POT1: variants seen among roughly 807,000 people sequenced by gnomAD.
POT1 encodes the protein protection of telomeres 1.
A neutral mutation model predicts 78.5 loss-of-function variants in POT1; 47 were observed. That is an observed-to-expected ratio of 0.60 (90% CI 0.47 to 0.76). The LOEUF is 0.76. Ranked by LOEUF, POT1 falls within the 30% of genes least tolerant of loss-of-function variation. POT1 has a pLI of 0.00. For missense variants in POT1, 646 were observed against 749.9 expected (o/e 0.86, Z 1.62); for synonymous variants, 259 against 260.7 (o/e 0.99, Z 0.06).
chr7:124,883,288 C>A (rs1368102982), intron 6 of POT1, among the ~76,000 whole-genome samples: 1 of 151,628 alleles, frequency 6.6e-6, no homozygotes, highest in Admixed American at 6.6e-5. Flanking sequence ...TCTTACATAG[C>A]CAAAAAACAG....
chr7:124,900,975 T>A (rs556300075), intron 3 of POT1: 1 of 185,914 alleles, frequency 5.4e-6, no homozygotes, highest in South Asian at 7.7e-5. Context: ...TGCTGAGGCT[T>A]GACTAGGTAA....
chr7:124,863,155 GA>G (rs1795640079), intron 8 of POT1, among the ~76,000 whole-genome samples, 194 bp downstream of exon 8: 1 of 151,646 alleles, frequency 6.6e-6, no homozygotes, highest in African/African-American at 2.4e-5. Flanking sequence ...TATTTCTCTG[GA>G]AGGAAAGTGT....
intron 11 of POT1, among the ~76,000 whole-genome samples, chr7:124,851,416 G>C (rs1319866131): frequency 6.6e-6 from 1 of 152,148 alleles, no homozygotes; most frequent in Non-Finnish European, 1.5e-5. Flanking sequence ...GACAATATTA[G>C]AAGGACATAT....
At chr7:124,907,512 G>C (rs924897334) in intron 3 of POT1, among the ~76,000 whole-genome samples, 1 of 152,136 alleles carries the variant, frequency 6.6e-6, no homozygotes, top group Non-Finnish European at 1.5e-5. Flanking sequence ...TAGGGAAAGG[G>C]AAGGATGAAT....
At chr7:124,929,172 C>G (rs1797347456) in intron 1 of POT1, among the ~76,000 whole-genome samples, 173 bp from the exon 2 acceptor site, 1 of 152,098 alleles carries the variant, frequency 6.6e-6, no homozygotes, top group South Asian at 2.1e-4. Context: ...AAACATTCTT[C>G]CAAGGAACTG....
At chr7:124,832,321 G>A (rs1186103449) in intron 15 of POT1, among the ~76,000 whole-genome samples, 1 of 150,486 alleles carries the variant, frequency 6.6e-6, no homozygotes, top group Non-Finnish European at 1.5e-5. Flanking sequence ...TCTAAATGGT[G>A]GATACGTAAT....
chr7:124,924,466 AAG>A (rs1406017678), intron 2 of POT1, among the ~76,000 whole-genome samples: 1 of 151,884 alleles, frequency 6.6e-6, no homozygotes, highest in Admixed American at 6.6e-5. Context: ...TGATGACAGC[AAG>A]ACTGTATCAG....
At chr7:124,885,383 G>T (rs562681809) in intron 6 of POT1, among the ~76,000 whole-genome samples, 2 of 152,056 alleles carry the variant, frequency 1.3e-5, no homozygotes, top group South Asian at 2.1e-4. Flanking sequence ...TGAGGTGGGA[G>T]GATTGCTTGA....
chr7:124,898,733 T>C (rs537651790), intron 3 of POT1, among the ~76,000 whole-genome samples: 2 of 152,200 alleles, frequency 1.3e-5, no homozygotes, highest in Admixed American at 6.5e-5. Context: ...AGAAACTACA[T>C]TGAGAAAGGC....
In POT1 at chr7:124,842,732, C is replaced by T. The variant is rs1795057590; in HGVS notation, c.1163+75G>A. ...ATTAACAATTTACTTATTCCTAAGA[C>T]ACAAAATTATACATATGTGTACATA... On this transcript the variant is annotated intron_variant, in intron 13 of 18. Coordinates refer to ENST00000357628, the MANE Select transcript of POT1 (RefSeq NM_015450.3). 4.9e-6 allele frequency: 6 copies of T among 1,234,770 alleles called. No homozygotes were observed. In the East Asian group the frequency reaches 1.4e-4, roughly 28 times the overall value. The allele number at this position is 1,234,770 out of a possible 1,614,324, so 76.5% of individuals were successfully genotyped here.
chr7:124,853,170 T>C (rs747514536), intron 9 of POT1, 32 bp from the exon 10 acceptor site: 11 of 1,479,116 alleles, frequency 7.4e-6, no homozygotes, highest in Middle Eastern at 1.8e-4. Context: ...ATTTAGAAAG[T>C]GGGGAAAAAT....
At chr7:124,886,925 G>A (rs576266979) in intron 6 of POT1, among the ~76,000 whole-genome samples, 2 of 151,760 alleles carry the variant, frequency 1.3e-5, no homozygotes, top group Admixed American at 6.6e-5. Context: ...TGATGTATTT[G>A]CAGATCAACT....
chr7:124,855,401 A>G (rs190275228), intron 9 of POT1, among the ~76,000 whole-genome samples: 1 of 151,958 alleles, frequency 6.6e-6, no homozygotes, highest in East Asian at 1.9e-4. Context: ...TTTTTAACAT[A>G]ACAAAATTTC....
chr7:124,840,091 GCCT>G (rs1441291610), intron 14 of POT1, among the ~76,000 whole-genome samples: 6 of 151,242 alleles, frequency 4.0e-5, no homozygotes, highest in Non-Finnish European at 7.4e-5. Flanking sequence ...ATACATGCTA[GCCT>G]CCTCCAGTAT....
intron 3 of POT1, among the ~76,000 whole-genome samples, chr7:124,908,592 C>A (rs930394979): frequency 8.1e-5 from 12 of 148,402 alleles, no homozygotes; most frequent in African/African-American, 3.0e-4. Flanking sequence ...CATTACTCTT[C>A]TCATTCTACT....
At chr7:124,828,749 G>C (rs149856167) in intron 16 of POT1, among the ~76,000 whole-genome samples, 1 of 152,262 alleles carries the variant, frequency 6.6e-6, no homozygotes, top group Admixed American at 6.5e-5. Flanking sequence ...AGTTCAAGAA[G>C]TTCATGTGAC....
chr7:124,908,503 A>G (rs1318838828), intron 3 of POT1, among the ~76,000 whole-genome samples: 1 of 151,918 alleles, frequency 6.6e-6, no homozygotes, highest in Non-Finnish European at 1.5e-5. Flanking sequence ...TAAATATTCC[A>G]AGATGCTTGC....
intron 11 of POT1, 127 bp downstream of exon 11, chr7:124,851,745 A>G (rs1158988398): frequency 1.4e-6 from 1 of 708,766 alleles, no homozygotes; most frequent in East Asian, 2.8e-5. Flanking sequence ...TAAAGATTTT[A>G]GTATGTTCCT....
At chr7:124,859,236 T>C (rs1034722714) in intron 8 of POT1, 124 bp from the exon 9 acceptor site, 1 of 578,332 alleles carries the variant, frequency 1.7e-6, no homozygotes, top group African/African-American at 1.9e-5. Flanking sequence ...GGCACTATTT[T>C]AAATATGACA....
Sources: gnomAD v4.1 joint callset for allele counts (sites outside exome capture counted in the v4.1 genomes callset) on GRCh38, gnomAD v4.1.1 for gene constraint, MANE v1.5 for transcripts, NCBI Gene and HGNC (gene_info 2026-07-23, HGNC 2026-07-21) for gene names.